The following SYTL3 variants were observed in gnomAD, a reference collection of about 807,000 sequenced individuals.
SYTL3 encodes the protein synaptotagmin like 3, also known as synaptotagmin-like protein 3.
In SYTL3, 88 loss-of-function variants were observed where a neutral mutation model predicts 82.1. The ratio of observed to expected loss-of-function variants is 1.07; its 90% CI spans 0.90 to 1.28. The LOEUF (loss-of-function observed/expected upper bound fraction) is 1.28. SYTL3 is among the 50% of genes most tolerant of loss of function. The pLI is 0.00. For synonymous variants in SYTL3, 311 were observed against 289.4 expected, an observed-to-expected ratio of 1.07 and a Z score of -0.76; for missense variants, 831 against 757.6, an observed-to-expected ratio of 1.10 and a Z score of -1.14.
rs553673007 is a variant in SYTL3, at chr6:158,670,089, A to G, written c.329+4476A>G. On this transcript the variant is annotated intron_variant, in intron 5 of 17. Coordinates refer to ENST00000611299, the MANE Select transcript of SYTL3 (RefSeq NM_001242394.2). Reference sequence around the variant, plus strand: ...TTATTGAAAATGAAGTGACATTTCAAAGGAAGTTCTATTCTAATTATGTTT... The same window carrying G: ...TTATTGAAAATGAAGTGACATTTCAGAGGAAGTTCTATTCTAATTATGTTT... Among the ~76,000 whole-genome samples the G allele has an allele frequency of 2.0e-5, 3 of 152,374 alleles. No homozygotes were observed. In the East Asian group the frequency reaches 5.8e-4, roughly 29 times the overall value.
chr6:158,751,987 T>A lies in SYTL3; in HGVS notation c.1094T>A (p.Val365Asp), dbSNP rs1788450238. 4 of 1,602,402 alleles carry A rather than the reference T, an allele frequency of 2.5e-6. No homozygotes were observed. The highest frequency in any genetic ancestry group is 3.4e-6 in the Non-Finnish European group (4 of 1,175,086). The change falls in exon 13 of 18, where the codon GTC becomes GAC. Residue 365 changes from valine to aspartate, a missense_variant. Physicochemically the swap from Val to Asp is radical, Grantham distance 152. Transcript: ENST00000611299. Reference protein sequence around the residue: ...RSSQGKRKTGVQRNTVDPTFQ... With the variant: ...RSSQGKRKTGDQRNTVDPTFQ... ...TCCCAGGGAAAGCGCAAGACTGGAGTCCAAAGGAACACCGTGGACCCGACC... is the reference window on the plus strand; with the variant it reads ...TCCCAGGGAAAGCGCAAGACTGGAGACCAAAGGAACACCGTGGACCCGACC...
At chr6:158,717,766 C>T (rs1783593514) in intron 9 of SYTL3, among the ~76,000 whole-genome samples, 1 of 152,162 alleles carries the variant, frequency 6.6e-6, no homozygotes, top group Non-Finnish European at 1.5e-5. Flanking sequence ...AGTGCACACA[C>T]ATATGTGTGA....
chr6:158,694,248 T>C (rs891442811), intron 6 of SYTL3, among the ~76,000 whole-genome samples: 3 of 152,154 alleles, frequency 2.0e-5, no homozygotes, highest in Non-Finnish European at 4.4e-5. Flanking sequence ...GCTTTCTCCC[T>C]GTGTTTCTAG....
chr6:158,727,663 T>G (rs1178768902), intron 11 of SYTL3, among the ~76,000 whole-genome samples: 2 of 149,792 alleles, frequency 1.3e-5, no homozygotes, highest in African/African-American at 4.9e-5. Flanking sequence ...ATGGCCGTTC[T>G]CATGTGCGTG....
intron 12 of SYTL3, among the ~76,000 whole-genome samples, chr6:158,749,488 C>T (rs1226228621): frequency 7.5e-6 from 1 of 133,312 alleles, no homozygotes; most frequent in Non-Finnish European, 1.6e-5. Context: ...ATGAAATGAA[C>T]ACCTTCTTTT....
At chr6:158,671,120 GAA>G (rs368728068) in intron 5 of SYTL3, among the ~76,000 whole-genome samples, 1 of 150,688 alleles carries the variant, frequency 6.6e-6, no homozygotes, top group African/African-American at 2.4e-5. Context: ...GTACTTTTTA[GAA>G]AAAAAAAGTT....
intron 11 of SYTL3, among the ~76,000 whole-genome samples, chr6:158,730,091 G>C (rs1785216882): frequency 6.6e-6 from 1 of 152,168 alleles, no homozygotes; most frequent in Non-Finnish European, 1.5e-5. Flanking sequence ...GCACATTCCA[G>C]CTTGCAGCCT....
chr6:158,650,497 G>A (rs1055956608), intron 1 of SYTL3, among the ~76,000 whole-genome samples: 1 of 152,000 alleles, frequency 6.6e-6, no homozygotes, highest in Non-Finnish European at 1.5e-5. Context: ...TTTCTCGTTT[G>A]GAGGTGGAAC....
Position 158,707,297 on chromosome 6 carries a change from G to GA in SYTL3, c.446+17dup. The GA allele has an allele frequency of 6.2e-7, 1 of 1,613,378 alleles. No individual in the cohort carries two copies. The highest frequency in any genetic ancestry group is 8.5e-7 in the Non-Finnish European group (1 of 1,179,968). On this transcript the variant is annotated intron_variant, in intron 7 of 17. Coordinates refer to ENST00000611299, the MANE Select transcript of SYTL3 (RefSeq NM_001242394.2). ...AGAAGCTGAGGTGAGTGTTACAAAG[G>GA]ACAGACCGTCCCTGGCCCTCCGGGG...
At chr6:158,691,589 C>T (rs1779871033) in intron 6 of SYTL3, among the ~76,000 whole-genome samples, 1 of 152,052 alleles carries the variant, frequency 6.6e-6, no homozygotes, top group South Asian at 2.1e-4. Context: ...TTTTAACAAC[C>T]ATGACATTCT....
At chr6:158,729,566 CTTTTT>C (rs34172320) in intron 11 of SYTL3, among the ~76,000 whole-genome samples, 3 of 132,908 alleles carry the variant, frequency 2.3e-5, no homozygotes, top group Non-Finnish European at 3.2e-5. Flanking sequence ...CTTTCTTTTT[CTTTTT>C]TTTTTTTTTT....
intron 9 of SYTL3, among the ~76,000 whole-genome samples, chr6:158,714,264 A>G (rs550158491): frequency 3.3e-5 from 5 of 152,290 alleles, no homozygotes; most frequent in Admixed American, 3.3e-4. Context: ...AGGCAGGAGA[A>G]TCACTTGAAC....
intron 11 of SYTL3, among the ~76,000 whole-genome samples, chr6:158,743,598 CTTTTTTTTT>C (rs397887964): frequency 9.5e-5 from 6 of 63,080 alleles, no homozygotes; most frequent in East Asian, 6.6e-4. Context: ...CCAGTCCAAG[CTTTTTTTTT>C]TTTTTTTTTT....
At chr6:158,721,941 G>A (rs1417576863) in intron 10 of SYTL3, among the ~76,000 whole-genome samples, 3 of 152,044 alleles carry the variant, frequency 2.0e-5, no homozygotes, top group African/African-American at 4.8e-5. Flanking sequence ...CCAGGAGTAC[G>A]TCTTTAAATA....
intron 1 of SYTL3, among the ~76,000 whole-genome samples, chr6:158,650,797 A>G (rs1787912659): frequency 6.6e-6 from 1 of 150,928 alleles, no homozygotes; most frequent in African/African-American, 2.4e-5. Flanking sequence ...AAAAAAATAC[A>G]AAAATTAGCT....
At chr6:158,764,352 T>TGGCGGC in intron 17 of SYTL3, 143 bp from the exon 18 acceptor site, 1 of 605,704 alleles carries the variant, frequency 1.7e-6, no homozygotes, top group Non-Finnish European at 3.0e-6. Context: ...GGAGTGGTGG[T>TGGCGGC]GGCGGCGTCT....
intron 9 of SYTL3, 56 bp downstream of exon 9, chr6:158,713,934 A>G (rs1329526964): frequency 2.2e-6 from 3 of 1,346,856 alleles, no homozygotes; most frequent in African/African-American, 1.5e-5. Context: ...AGCCGAGCCC[A>G]CTGGCCAGGG....
In SYTL3 at chr6:158,721,597, A is replaced by G. The variant is rs12660626; in HGVS notation, c.720+3386A>G. ...TATGATCTATAAATGCTAAATAACTATTGGGTTGAAATATAAGGAGTACAC... is the reference window on the plus strand; with the variant it reads ...TATGATCTATAAATGCTAAATAACTGTTGGGTTGAAATATAAGGAGTACAC... On this transcript the variant is annotated intron_variant, in intron 10 of 17. Transcript: ENST00000611299. 3.5e-4 allele frequency among the ~76,000 whole-genome samples: 53 copies of G among 152,060 alleles called. No individual in the cohort carries two copies. The East Asian group carries it at 9.7e-3, about 28-fold the overall frequency.
intron 8 of SYTL3, 136 bp downstream of exon 8, chr6:158,708,527 A>G (rs1174357812): frequency 2.3e-5 from 19 of 814,474 alleles, no homozygotes; most frequent in Admixed American, 1.1e-4. Flanking sequence ...AGCGGGTCAC[A>G]AAGCGGGGTG....
Sources: allele counts gnomAD v4.1 joint callset (sites outside exome capture counted in the v4.1 genomes callset), GRCh38; gene constraint gnomAD v4.1.1; transcripts MANE v1.5; gene names NCBI Gene and HGNC (gene_info 2026-07-23, HGNC 2026-07-21).